Variants in HOXB3 observed in about 807,000 individuals in gnomAD.
HOXB3 encodes homeobox protein Hox-B3.
A neutral mutation model predicts 29.2 loss-of-function variants in HOXB3; 17 were observed. The observed-to-expected ratio is 0.58, with a 90% confidence interval of 0.40 to 0.87. The LOEUF (loss-of-function observed/expected upper bound fraction) is 0.87, where lower values mean the gene tolerates loss of function less well. Ranked by LOEUF, HOXB3 falls within the 40% of genes least tolerant of loss-of-function variation. HOXB3 has a pLI of 0.00. For synonymous variants in HOXB3, 317 were observed against 285.9 expected, an observed-to-expected ratio of 1.11 and a Z score of -1.10; for missense variants, 637 against 616.3, an observed-to-expected ratio of 1.03 and a Z score of -0.35.
chr17:48,560,624 G>GA (rs1335327991), intron 2 of HOXB3, among the ~76,000 whole-genome samples: 3 of 152,196 alleles, frequency 2.0e-5, no homozygotes, highest in Admixed American at 6.5e-5. Flanking sequence ...GATCCTGCAA[G>GA]AAATTTCCTT....
At chr17:48,565,025 GGGA>G (rs75672581) in intron 2 of HOXB3, among the ~76,000 whole-genome samples, 112,756 of 151,504 alleles carry the variant, frequency 0.74, 43,494 homozygotes, top group Non-Finnish European at 0.84. Context: ...GGGAGTTTGA[GGGA>G]GGAGATGTGG....
chr17:48,551,000 G>A lies in HOXB3; in HGVS notation c.630C>T (p.Asn210=). The A allele has an allele frequency of 6.2e-7, 1 of 1,613,254 alleles. No individual in the cohort carries two copies. Among genetic ancestry groups the A allele is most frequent in the Non-Finnish European group, 8.5e-7 (1 of 1,179,430 alleles). ...CACGGCGAGGCCGGCACAGGTAGCG[G>A]TTAAAATGGAACTCCTTCTCCAGCT... is the stretch of plus-strand genomic sequence containing the variant. ...LVELEKEFHF[N]RYLCRPRRVE... Residue 210 remains asparagine, a synonymous_variant, in exon 5 of 5, where the codon AAC becomes AAT. Coordinates refer to ENST00000498678, the MANE Select transcript of HOXB3 (RefSeq NM_001384749.1).
chr17:48,575,710 C>T (rs973171889), intron 1 of HOXB3: 20 of 145,816 alleles, frequency 1.4e-4, no homozygotes, highest in African/African-American at 5.0e-4. Context: ...TAATAATAAA[C>T]GATGCAACAT....
chr17:48,555,474 C>A, intron 3 of HOXB3, 57 bp downstream of exon 3: 2 of 701,766 alleles, frequency 2.8e-6, no homozygotes, highest in South Asian at 1.5e-5. Context: ...GGCCATAAAT[C>A]ATTGAGACAT....
intron 2 of HOXB3, among the ~76,000 whole-genome samples, chr17:48,564,150 T>C (rs1244042715): frequency 6.6e-6 from 1 of 151,728 alleles, no homozygotes; most frequent in African/African-American, 2.4e-5. Context: ...GGCGGGGGTC[T>C]CAGCCACCCA....
intron 2 of HOXB3, among the ~76,000 whole-genome samples, chr17:48,555,851 G>T (rs2144770593): frequency 6.6e-6 from 1 of 152,248 alleles, no homozygotes; most frequent in East Asian, 1.9e-4. Context: ...GGCTCAGCTC[G>T]CCAGAATCCA....
intron 2 of HOXB3, among the ~76,000 whole-genome samples, chr17:48,559,233 G>A (rs537292632): frequency 2.0e-5 from 3 of 152,200 alleles, no homozygotes; most frequent in South Asian, 4.1e-4. Flanking sequence ...AGACCTCGGC[G>A]GCGGGATCGT....
At chr17:48,562,072 T>C (rs904401896) in intron 2 of HOXB3, among the ~76,000 whole-genome samples, 8 of 152,158 alleles carry the variant, frequency 5.3e-5, no homozygotes. Context: ...CCTTGCCCCA[T>C]AGAGGCTCAT....
In HOXB3 at chr17:48,570,639, C is replaced by T. The variant is rs967398482; in HGVS notation, c.-247+3198G>A. Among the ~76,000 whole-genome samples the T allele has an allele frequency of 1.1e-4, 16 of 152,208 alleles. No homozygotes were observed. In the East Asian group the frequency reaches 1.2e-3, roughly 11 times the overall value. ...AACAAGCCCCAAAGAAACAGCCACCCCGGTGTCGGCCTCGGAGGTTCCAGC... is the reference window on the plus strand; with the variant it reads ...AACAAGCCCCAAAGAAACAGCCACCTCGGTGTCGGCCTCGGAGGTTCCAGC... On this transcript the variant is annotated intron_variant, in intron 2 of 4. Transcript: ENST00000498678.
At chr17:48,551,222 A>C in intron 4 of HOXB3, 41 bp from the exon 5 acceptor site, 1 of 1,273,506 alleles carries the variant, frequency 7.9e-7, no homozygotes, top group Non-Finnish European at 9.9e-7. Context: ...AGAAAATGAA[A>C]TAAAAGATAA....
intron 2 of HOXB3, among the ~76,000 whole-genome samples, chr17:48,558,745 G>A (rs1020613965): frequency 2.0e-5 from 3 of 152,114 alleles, no homozygotes; most frequent in African/African-American, 4.8e-5. Context: ...GGTGGGGGAC[G>A]CCAGAGCAGG....
intron 2 of HOXB3, among the ~76,000 whole-genome samples, chr17:48,561,183 A>AACACAC (rs530713063): frequency 0.1 from 12,809 of 125,314 alleles, 771 homozygotes; most frequent in Admixed American, 0.14. Flanking sequence ...TCCGTCTCAA[A>AACACAC]ACACACACAC....
rs565883037 is a variant in HOXB3 at position 48,550,323 on chromosome 17, G to A, written c.*11C>T. 1.2e-6 allele frequency: 2 copies of A among 1,613,568 alleles called. No homozygotes were observed. The highest frequency in any genetic ancestry group is 2.2e-5 in the South Asian group (2 of 91,072). ...CCTCCCCATCCCCTAATCCTCGTTC[G>A]CCCTTTCCCATCACAGGTGTGTTAA... On this transcript the variant is annotated 3_prime_UTR_variant, in exon 5 of 5. Transcript: ENST00000498678.
In HOXB3 at chr17:48,552,481, G is replaced by A; in HGVS notation, c.-7C>T. 6.4e-7 allele frequency: 1 copy of A among 1,560,470 alleles called. No homozygotes were observed. The highest frequency in any genetic ancestry group is 8.7e-7 in the Non-Finnish European group (1 of 1,149,512). The stretch of plus-strand genomic sequence containing the variant: ...AGTAGGTGGCTTTCTGCATCGCTGG[G>A]TGAGGCCTGGGCAGTGGGTGGCAAC... On this transcript the variant is annotated 5_prime_UTR_variant, in exon 4 of 5. Transcript: ENST00000498678.
chr17:48,576,499 A>G (rs994212560), intron 1 of HOXB3: 3 of 379,714 alleles, frequency 7.9e-6, no homozygotes, highest in African/African-American at 6.2e-5. Context: ...AGAGATTTGA[A>G]TCTTGCTTCT....
chr17:48,577,890 A>T, intron 1 of HOXB3: 1 of 1,385,900 alleles, frequency 7.2e-7, no homozygotes, highest in Non-Finnish European at 9.4e-7. Flanking sequence ...TTGCGCATCC[A>T]GGGGTAGACG....
chr17:48,560,772 G>A (rs1381639851), intron 2 of HOXB3, among the ~76,000 whole-genome samples: 1 of 152,222 alleles, frequency 6.6e-6, no homozygotes, highest in Non-Finnish European at 1.5e-5. Flanking sequence ...ACCCGGTAGA[G>A]TGCTGTGGCA....
chr17:48,553,157 C>T (rs971392638), intron 3 of HOXB3: 3 of 152,286 alleles, frequency 2.0e-5, no homozygotes, highest in Non-Finnish European at 4.4e-5. Context: ...AGCAGAGAAG[C>T]TTCTCTTGTG....
intron 1 of HOXB3, among the ~76,000 whole-genome samples, chr17:48,586,982 G>A (rs2070059398): frequency 6.6e-6 from 1 of 152,090 alleles, no homozygotes; most frequent in Admixed American, 6.5e-5. Context: ...AGGAAGAGTG[G>A]GGTGGGGCCT....
Sources: gnomAD v4.1 joint callset for allele counts (sites outside exome capture counted in the v4.1 genomes callset) on GRCh38, gnomAD v4.1.1 for gene constraint, MANE v1.5 for transcripts, NCBI Gene and HGNC (gene_info 2026-07-23, HGNC 2026-07-21) for gene names.